Variants in THADA observed in about 807,000 individuals in gnomAD.
THADA encodes THADA armadillo repeat containing, also known as tRNA (32-2'-O)-methyltransferase regulator THADA.
In THADA, 213 loss-of-function variants were observed where a neutral mutation model predicts 219.8. That is an observed-to-expected ratio of 0.97 (90% CI 0.87 to 1.09). The LOEUF (loss-of-function observed/expected upper bound fraction) is 1.09. Ranked by LOEUF, THADA falls within the 50% of genes least tolerant of loss-of-function variation. THADA has a pLI of 0.00. For synonymous variants in THADA, 1,018 were observed against 828.9 expected (o/e 1.23, Z -3.92); for missense variants, 2,956 against 2,311.3 (o/e 1.28, Z -5.72).
In THADA at chr2:43,443,058, G is replaced by C. The variant is rs546137515; in HGVS notation, c.3837-12756C>G. On this transcript the variant is annotated intron_variant, in intron 26 of 37. Transcript: ENST00000405975. ...TACACCCTTTGCTTTCCCTAACACAGGCAGCATGTCATACATGAAACTTCC... is the reference window on the plus strand; with the variant it reads ...TACACCCTTTGCTTTCCCTAACACACGCAGCATGTCATACATGAAACTTCC... 2.4e-4 allele frequency among the ~76,000 whole-genome samples: 36 copies of C among 152,210 alleles called. No individual in the cohort carries two copies. The East Asian group carries it at 6.6e-3, about 28-fold the overall frequency.
intron 14 of THADA, 72 bp downstream of exon 14, chr2:43,570,316 T>G: frequency 7.2e-7 from 1 of 1,397,934 alleles, no homozygotes; most frequent in Non-Finnish European, 9.7e-7. Context: ...TCCATTTATT[T>G]CCCTTTAATG....
intron 33 of THADA, 117 bp from the exon 34 acceptor site, chr2:43,291,885 T>A: frequency 2.1e-6 from 2 of 972,400 alleles, no homozygotes; most frequent in African/African-American, 1.7e-5. Flanking sequence ...AATCTCTACC[T>A]CCTGGTTACA....
At chr2:43,248,178 G>C (rs1558464457) in intron 36 of THADA, among the ~76,000 whole-genome samples, 1 of 86,988 alleles carries the variant, frequency 1.1e-5, no homozygotes, top group Admixed American at 1.1e-4. Context: ...GAGAGAGAGA[G>C]AGAGAGAGAG....
At chr2:43,412,732 A>G (rs1287533713) in intron 28 of THADA, among the ~76,000 whole-genome samples, 2 of 152,224 alleles carry the variant, frequency 1.3e-5, no homozygotes, top group Non-Finnish European at 2.9e-5. Context: ...TAACCATGCT[A>G]TTCTTGGCAA....
intron 26 of THADA, among the ~76,000 whole-genome samples, chr2:43,465,242 A>G (rs545101352): frequency 6.6e-6 from 1 of 152,346 alleles, no homozygotes; most frequent in South Asian, 2.1e-4. Flanking sequence ...ACAATTTCTT[A>G]ATAATAGTTT....
intron 29 of THADA, chr2:43,392,041 T>G (rs111647031): frequency 2.0e-5 from 3 of 152,236 alleles, no homozygotes; most frequent in African/African-American, 7.2e-5. Flanking sequence ...CTTTTGTTTT[T>G]GATTTTCCAT....
At chr2:43,355,702 T>C (rs562316828) in intron 29 of THADA, among the ~76,000 whole-genome samples, 41 of 152,250 alleles carry the variant, frequency 2.7e-4, no homozygotes, top group African/African-American at 9.4e-4. Flanking sequence ...TGTCATTCTT[T>C]TGCATGTGGA....
At chr2:43,425,541 T>G (rs1678328284) in intron 28 of THADA, among the ~76,000 whole-genome samples, 2 of 151,850 alleles carry the variant, frequency 1.3e-5, no homozygotes, top group Middle Eastern at 3.4e-3. Flanking sequence ...AAATGTGATC[T>G]ACAGACCAGC....
chr2:43,515,146 T>C (rs1691328210), intron 22 of THADA, among the ~76,000 whole-genome samples: 2 of 21,528 alleles, frequency 9.3e-5, no homozygotes, highest in Non-Finnish European at 1.5e-4. Context: ...ATATATAATA[T>C]ATTTTATATA....
chr2:43,467,631 G>A (rs981132320), intron 26 of THADA, among the ~76,000 whole-genome samples: 2 of 152,196 alleles, frequency 1.3e-5, no homozygotes, highest in South Asian at 2.1e-4. Flanking sequence ...TCTCCTGAAA[G>A]TTGAGAAAAT....
Position 43,230,896 on chromosome 2 carries a change from T to A in THADA, c.*52A>T. ...TATGTTCAACATGTTTCCTGCAGAT[T>A]TAGTGGAGGAAAAATCCACACATAC... On this transcript the variant is annotated 3_prime_UTR_variant, in exon 38 of 38. Transcript: ENST00000405975. The A allele has an allele frequency of 3.9e-6, 6 of 1,527,982 alleles. No individual in the cohort carries two copies. Among genetic ancestry groups the A allele is most frequent in the Non-Finnish European group, 5.3e-6 (6 of 1,137,208 alleles). 94.7% of individuals were successfully genotyped at this position (1,527,982 alleles called of 1,614,324 possible). A position where few individuals can be genotyped will look rare whatever the true frequency, so the allele number is the denominator to read the frequency against.
chr2:43,439,274 GGAGA>G (rs142145643), intron 26 of THADA, among the ~76,000 whole-genome samples: 36 of 151,856 alleles, frequency 2.4e-4, no homozygotes, highest in Non-Finnish European at 4.3e-4. Context: ...TGAGAGAGAC[GGAGA>G]GAGAGAGAGA....
intron 1 of THADA, among the ~76,000 whole-genome samples, chr2:43,594,965 A>G (rs1377466941): frequency 6.6e-6 from 1 of 152,212 alleles, no homozygotes; most frequent in East Asian, 1.9e-4. Context: ...CTAACTTGTA[A>G]ATTTGTATAT....
intron 29 of THADA, among the ~76,000 whole-genome samples, chr2:43,362,712 A>G (rs1669672780): frequency 6.6e-6 from 1 of 152,200 alleles, no homozygotes; most frequent in Non-Finnish European, 1.5e-5. Flanking sequence ...TCAATAATAC[A>G]TTAACCTTAG....
chr2:43,589,873 T>G (rs1701374954), intron 4 of THADA, among the ~76,000 whole-genome samples: 1 of 151,524 alleles, frequency 6.6e-6, no homozygotes, highest in Non-Finnish European at 1.5e-5. Context: ...AAAAAAAAGG[T>G]TAAGACTGAG....
chr2:43,255,580 G>T (rs1382220846), intron 36 of THADA, among the ~76,000 whole-genome samples: 2 of 152,228 alleles, frequency 1.3e-5, no homozygotes, highest in African/African-American at 4.8e-5. Flanking sequence ...GCTGAGAGGA[G>T]GCTCTGGCTA....
At chr2:43,584,162 A>G (rs1315892453) in intron 7 of THADA, among the ~76,000 whole-genome samples, 1 of 152,106 alleles carries the variant, frequency 6.6e-6, no homozygotes, top group Non-Finnish European at 1.5e-5. Context: ...AGTAGAATAG[A>G]GGTTACCTGG....
At chr2:43,344,581 A>T (rs1667425259) in intron 29 of THADA, among the ~76,000 whole-genome samples, 1 of 152,252 alleles carries the variant, frequency 6.6e-6, no homozygotes, top group Admixed American at 6.5e-5. Flanking sequence ...GCTGTCGCAC[A>T]TGAAAATAAA....
At chr2:43,350,922 C>G (rs2104558095) in intron 29 of THADA, among the ~76,000 whole-genome samples, 1 of 152,258 alleles carries the variant, frequency 6.6e-6, no homozygotes, top group East Asian at 1.9e-4. Flanking sequence ...TACTTCCTAG[C>G]TGATTCTAGT....
Sources: allele counts gnomAD v4.1 joint callset (sites outside exome capture counted in the v4.1 genomes callset), GRCh38; gene constraint gnomAD v4.1.1; transcripts MANE v1.5; gene names NCBI Gene and HGNC (gene_info 2026-07-23, HGNC 2026-07-21).